POLR3C: variants seen among roughly 807,000 people sequenced by gnomAD.
POLR3C encodes RNA polymerase III subunit C.
A neutral mutation model predicts 65.9 loss-of-function variants in POLR3C; 44 were observed. The ratio of observed to expected loss-of-function variants is 0.67; its 90% CI spans 0.52 to 0.86. The LOEUF (loss-of-function observed/expected upper bound fraction) is 0.86. POLR3C is among the 40% of genes least tolerant of loss of function. POLR3C has a pLI of 0.00. For missense variants in POLR3C, 576 were observed against 653.2 expected, an observed-to-expected ratio of 0.88 and a Z score of 1.29; for synonymous variants, 263 against 231.6, an observed-to-expected ratio of 1.14 and a Z score of -1.23.
At chr1:145,828,299 C>A (rs1370544055) in intron 4 of POLR3C, among the ~76,000 whole-genome samples, 1 of 152,096 alleles carries the variant, frequency 6.6e-6, no homozygotes, top group Non-Finnish European at 1.5e-5. Flanking sequence ...GTTCTTTATG[C>A]TAAGAGCAAA....
rs587603523 is a variant in POLR3C at position 145,833,652 on chromosome 1, A to G, written c.876+70A>G. On this transcript the variant is annotated intron_variant, in intron 7 of 14. Transcript: ENST00000334163. ...TGTTATCAACGTTTATTATACACAG[A>G]TCCTGAGTTTGGGTTGAGGTCTGAG... The G allele has an allele frequency of 3.7e-5, 38 of 1,037,250 alleles. No individual in the cohort carries two copies. In the African/African-American group the frequency reaches 4.5e-4, roughly 12 times the overall value. The allele number at this position is 1,037,250 out of a possible 1,614,324, so 64.3% of individuals were successfully genotyped here.
chr1:145,825,783 C>G lies in POLR3C; in HGVS notation c.7C>G (p.Gln3Glu). The G allele has an allele frequency of 6.2e-7, 1 of 1,613,186 alleles. No individual in the cohort carries two copies. Among genetic ancestry groups the G allele is most frequent in the South Asian group, 1.1e-5 (1 of 91,054 alleles). MT[Q>E]AEIKLCSLLL... ...TCTCAGACTCCCCAGTACAATGACT[C>G]AAGCAGAAATTAAGCTCTGTTCTTT... The change falls in exon 2 of 15, where the codon CAA (glutamine) becomes GAA (glutamate). Residue 3 changes from glutamine (Q) to glutamate (E), a missense_variant. By Grantham distance (29) the Gln-to-Glu change is conservative. Coordinates refer to ENST00000334163, the MANE Select transcript of POLR3C (RefSeq NM_006468.8).
In POLR3C at chr1:145,836,542, G is replaced by T. The variant is rs781937202; in HGVS notation, c.925G>T (p.Asp309Tyr). Residue 309 changes from aspartate to tyrosine, a missense_variant, in exon 8 of 15, where the codon GAT becomes TAT. Coordinates refer to ENST00000334163, the MANE Select transcript of POLR3C (RefSeq NM_006468.8). ...VGYNISKQVL[D>Y]QYLTLLADDP... The stretch of plus-strand genomic sequence containing the variant: ...CTATAACATCTCTAAGCAAGTTCTT[G>T]ATCAGTATCTCACTCTGCTGGCAGA... The T allele has an allele frequency of 4.3e-6, 7 of 1,609,746 alleles. No homozygotes were observed. In the East Asian group the frequency reaches 6.7e-5, roughly 15 times the overall value.
rs1226102054 is a variant in POLR3C at position 145,826,535 on chromosome 1, GC to G, written c.232del (p.Gln78SerfsTer28). ...VHKRGVVEYE[A>X]QCSRVLRMLR... Reference sequence around the variant, plus strand: ...CAAACGTGGTGTGGTGGAGTATGAAGCCCAGTGCAGCCGGGTATTGCGAATG... The same window carrying G: ...CAAACGTGGTGTGGTGGAGTATGAAGCCAGTGCAGCCGGGTATTGCGAATG... On this transcript the variant is annotated frameshift_variant, in exon 3 of 15. Transcript: ENST00000334163. LOFTEE classifies it high-confidence loss of function. The G allele has an allele frequency of 6.2e-7, 1 of 1,613,794 alleles. No individual in the cohort carries two copies. The highest frequency in any genetic ancestry group is 8.5e-7 in the Non-Finnish European group (1 of 1,179,980).
At chr1:145,837,422 G>C in intron 9 of POLR3C, 114 bp from the exon 10 acceptor site, 1 of 560,992 alleles carries the variant, frequency 1.8e-6, no homozygotes, top group Non-Finnish European at 3.1e-6. Context: ...ATTATAACAT[G>C]AAAAACAAAA....
At chr1:145,838,792 A>T (rs782353330) in intron 11 of POLR3C, among the ~76,000 whole-genome samples, 2 of 152,144 alleles carry the variant, frequency 1.3e-5, no homozygotes, top group Admixed American at 6.5e-5. Context: ...CTTAAGCCTT[A>T]ATTCTGTTAT....
At chr1:145,841,127 T>G in intron 14 of POLR3C, 56 bp downstream of exon 14, 1 of 1,498,338 alleles carries the variant, frequency 6.7e-7, no homozygotes, top group Admixed American at 1.7e-5. Context: ...AAAATCCATT[T>G]TGACCTCCTG....
chr1:145,839,752 C>A, intron 11 of POLR3C, 138 bp from the exon 12 acceptor site: 1 of 617,930 alleles, frequency 1.6e-6, no homozygotes. Flanking sequence ...ATAAAATAAA[C>A]ACAGGTACTG....
chr1:145,840,802 G>T (rs1652232202), intron 13 of POLR3C, 120 bp from the exon 14 acceptor site: 3 of 604,100 alleles, frequency 5.0e-6, no homozygotes. Context: ...TCCTTAGAAG[G>T]TGACATTATC....
intron 4 of POLR3C, among the ~76,000 whole-genome samples, chr1:145,828,234 T>C (rs1650948731): frequency 6.6e-6 from 1 of 152,182 alleles, no homozygotes; most frequent in African/African-American, 2.4e-5. Context: ...ACCTGCTTAG[T>C]ACTTGGATGG....
intron 7 of POLR3C, among the ~76,000 whole-genome samples, chr1:145,834,644 C>T (rs1287930208): frequency 1.3e-5 from 2 of 151,960 alleles, no homozygotes; most frequent in African/African-American, 4.8e-5. Flanking sequence ...CACTGCACTC[C>T]AGCCTCACCA....
At chr1:145,828,672 GACACCT>G (rs1650996796) in intron 4 of POLR3C, 71 bp from the exon 5 acceptor site, 1 of 1,018,280 alleles carries the variant, frequency 9.8e-7, no homozygotes, top group African/African-American at 1.6e-5. Context: ...TGGAATGAAA[GACACCT>G]GCTCTCATGT....
chr1:145,841,817 A>G (rs1465891658), intron 14 of POLR3C, among the ~76,000 whole-genome samples: 2 of 150,896 alleles, frequency 1.3e-5, no homozygotes, highest in Non-Finnish European at 2.9e-5. Context: ...TTCCTGCCCC[A>G]TTACCCTGGC....
At chr1:145,835,440 G>C (rs1651732856) in intron 7 of POLR3C, among the ~76,000 whole-genome samples, 2 of 146,412 alleles carry the variant, frequency 1.4e-5, no homozygotes, top group South Asian at 4.3e-4. Context: ...GTGAGACTCT[G>C]TCTCAAAAAA....
intron 11 of POLR3C, among the ~76,000 whole-genome samples, chr1:145,839,123 T>C (rs939063066): frequency 6.6e-6 from 1 of 151,934 alleles, no homozygotes; most frequent in Admixed American, 6.6e-5. Flanking sequence ...ATACAAAAAT[T>C]AGCTGGGCGT....
chr1:145,837,607 C>CT lies in POLR3C; in HGVS notation c.1070+11_1070+12insT. 6.3e-7 allele frequency: 1 copy of CT among 1,591,376 alleles called. No individual in the cohort carries two copies. The highest frequency in any genetic ancestry group is 2.2e-5 in the East Asian group (1 of 44,778). On this transcript the variant is annotated intron_variant, in intron 10 of 14. Transcript: ENST00000334163. Reference sequence around the variant, plus strand: ...CGTCGTACAGGAGAGGTAAGGGGGACACTGGTTGGGTTTGGGATCACATAC... The same window carrying CT: ...CGTCGTACAGGAGAGGTAAGGGGGACTACTGGTTGGGTTTGGGATCACATAC...
At position 145,838,197 on chromosome 1, in the gene POLR3C, G is replaced by A; in HGVS notation, c.1212G>A (p.Met404Ile). 1 of 1,613,482 alleles carries A rather than the reference G, an allele frequency of 6.2e-7. No homozygotes were observed. The highest frequency in any genetic ancestry group is 1.1e-5 in the South Asian group (1 of 91,050). Residue 404 changes from methionine to isoleucine, a missense_variant, in exon 11 of 15, where the codon ATG becomes ATA. Met to Ile is a conservative substitution (Grantham distance 10). Coordinates refer to ENST00000334163, the MANE Select transcript of POLR3C (RefSeq NM_006468.8). ...MLYKMLSENF[M>I]SLQEIPKTPD... ...ATAAGATGCTCTCAGAAAATTTCAT[G>A]TCACTCCAGGTAACCAACCAAGGGC...
rs1650738806 is a variant in POLR3C at position 145,826,305 on chromosome 1, T to C, written c.148-149T>C. 6.3e-6 allele frequency: 4 copies of C among 636,680 alleles called. No individual in the cohort carries two copies. In the East Asian group the frequency reaches 1.1e-4, roughly 17 times the overall value. 39.4% of individuals were successfully genotyped at this position (636,680 alleles called of 1,614,324 possible). A position where few individuals can be genotyped will look rare whatever the true frequency, so the allele number is the denominator to read the frequency against. On this transcript the variant is annotated intron_variant, in intron 2 of 14. Coordinates refer to ENST00000334163, the MANE Select transcript of POLR3C (RefSeq NM_006468.8). ...TTATTGTATTGATGTGTGATTCTTA[T>C]TAGCTCCTCCAGTGGAGAGAGGAAA...
At position 145,826,535 on chromosome 1, in the gene POLR3C, G is replaced by A. The variant is rs782221449; in HGVS notation, c.229G>A (p.Ala77Thr). The change falls in exon 3 of 15, where the codon GCC becomes ACC. Residue 77 changes from alanine to threonine, a missense_variant. Coordinates refer to ENST00000334163, the MANE Select transcript of POLR3C (RefSeq NM_006468.8). ...VHKRGVVEYEAQCSRVLRMLR... is the reference protein window; with the variant it reads ...VHKRGVVEYETQCSRVLRMLR... ...CAAACGTGGTGTGGTGGAGTATGAA[G>A]CCCAGTGCAGCCGGGTATTGCGAAT... 4.3e-6 allele frequency: 7 copies of A among 1,613,794 alleles called. No individual in the cohort carries two copies. The highest frequency in any genetic ancestry group is 2.2e-5 in the South Asian group (2 of 91,080).
Sources: allele counts gnomAD v4.1 joint callset (sites outside exome capture counted in the v4.1 genomes callset), GRCh38; gene constraint gnomAD v4.1.1; transcripts MANE v1.5; gene names NCBI Gene and HGNC (gene_info 2026-07-23, HGNC 2026-07-21).